The following FGD4 variants were observed in gnomAD, a reference collection of about 807,000 sequenced individuals.
The protein encoded by FGD4 is FYVE, RhoGEF and PH domain-containing protein 4.
In FGD4, 42 loss-of-function variants were observed where a neutral mutation model predicts 102.0. That is an observed-to-expected ratio of 0.41 (90% CI 0.32 to 0.53). The LOEUF (loss-of-function observed/expected upper bound fraction) is 0.53. Ranked by LOEUF, FGD4 falls within the 20% of genes least tolerant of loss-of-function variation. The pLI, the probability that FGD4 is intolerant of heterozygous loss-of-function variation, is 0.21. For missense variants in FGD4, 902 were observed against 1,078.2 expected, an observed-to-expected ratio of 0.84 and a Z score of 2.29; for synonymous variants, 380 against 375.7, an observed-to-expected ratio of 1.01 and a Z score of -0.13.
chr12:32,424,272 A>G (rs539152409), intron 1 of FGD4, among the ~76,000 whole-genome samples: 1 of 147,550 alleles, frequency 6.8e-6, no homozygotes, highest in Non-Finnish European at 1.5e-5. Context: ...CCCTGTGTCC[A>G]TGTGTTCTCA....
intron 1 of FGD4, among the ~76,000 whole-genome samples, chr12:32,439,174 T>C (rs541090179): frequency 2.9e-4 from 44 of 152,228 alleles, no homozygotes; most frequent in Non-Finnish European, 5.3e-4. Flanking sequence ...TCTCAACTTC[T>C]ATGAGTTTAA....
At chr12:32,432,348 CCGCG>C (rs1274975879) in intron 1 of FGD4, among the ~76,000 whole-genome samples, 1 of 111,970 alleles carries the variant, frequency 8.9e-6, no homozygotes, top group Non-Finnish European at 2.2e-5. Flanking sequence ...GCGTGAGCCA[CCGCG>C]CCCGACCAAT....
chr12:32,432,209 A>G (rs1942070164), intron 1 of FGD4, among the ~76,000 whole-genome samples: 1 of 151,464 alleles, frequency 6.6e-6, no homozygotes, highest in African/African-American at 2.4e-5. Context: ...ACAGGCGCCC[A>G]CCACCATGCC....
At chr12:32,578,320 A>G (rs1442643065) in intron 3 of FGD4, among the ~76,000 whole-genome samples, 1 of 152,186 alleles carries the variant, frequency 6.6e-6, no homozygotes, top group African/African-American at 2.4e-5. Context: ...TTAATACTGC[A>G]TTGGATCTAT....
intron 4 of FGD4, chr12:32,582,882 A>G (rs1309325183): frequency 5.8e-6 from 1 of 173,730 alleles, no homozygotes; most frequent in Admixed American, 5.7e-5. Context: ...GGCCTGTAAG[A>G]TGAACTTGCC....
intron 7 of FGD4, among the ~76,000 whole-genome samples, chr12:32,607,242 A>T (rs777481627): frequency 2.6e-5 from 4 of 152,072 alleles, no homozygotes; most frequent in Non-Finnish European, 4.4e-5. Context: ...GGTAGTTCTC[A>T]ACTTCAGTGT....
At chr12:32,403,648 GT>G (rs1940787716) in intron 1 of FGD4, among the ~76,000 whole-genome samples, 1 of 147,942 alleles carries the variant, frequency 6.8e-6, no homozygotes, top group African/African-American at 2.5e-5. Context: ...CCAGGCTGGA[GT>G]GCAGTGGTGC....
chr12:32,541,760 A>G (rs1395421194), intron 1 of FGD4, among the ~76,000 whole-genome samples: 4 of 152,150 alleles, frequency 2.6e-5, no homozygotes, highest in African/African-American at 9.7e-5. Flanking sequence ...CTAATTTGTT[A>G]CATGTTTTTC....
At chr12:32,533,458 C>T (rs1941978075) in intron 1 of FGD4, among the ~76,000 whole-genome samples, 1 of 152,182 alleles carries the variant, frequency 6.6e-6, no homozygotes, top group Non-Finnish European at 1.5e-5. Context: ...TGGAGTCTCA[C>T]TCTGTCACCG....
At chr12:32,473,709 C>T (rs1165512990) in intron 1 of FGD4, among the ~76,000 whole-genome samples, 3 of 152,162 alleles carry the variant, frequency 2.0e-5, no homozygotes, top group East Asian at 1.9e-4. Flanking sequence ...ACGTTATTTT[C>T]CGTTCTTCCC....
At chr12:32,424,617 C>CTG (rs1941764779) in intron 1 of FGD4, among the ~76,000 whole-genome samples, 1 of 152,178 alleles carries the variant, frequency 6.6e-6, no homozygotes, top group South Asian at 2.1e-4. Flanking sequence ...AACAGTATTT[C>CTG]TGGTCCTAGA....
intron 7 of FGD4, among the ~76,000 whole-genome samples, chr12:32,607,696 G>A (rs1948870412): frequency 6.6e-6 from 1 of 152,156 alleles, no homozygotes; most frequent in African/African-American, 2.4e-5. Flanking sequence ...TGTATTTTTA[G>A]TAGAGGCGGG....
chr12:32,629,778 T>C (rs561025319), intron 14 of FGD4, among the ~76,000 whole-genome samples: 1 of 152,358 alleles, frequency 6.6e-6, no homozygotes, highest in South Asian at 2.1e-4. Context: ...CTGATCATTT[T>C]TGATAGTGTT....
At chr12:32,484,334 C>A (rs1459519233) in intron 1 of FGD4, among the ~76,000 whole-genome samples, 2 of 150,358 alleles carry the variant, frequency 1.3e-5, no homozygotes, top group Non-Finnish European at 3.0e-5. Flanking sequence ...TCCTCACCTA[C>A]TCTCAAAGTG....
At chr12:32,432,944 C>G (rs1942104208) in intron 1 of FGD4, among the ~76,000 whole-genome samples, 1 of 152,114 alleles carries the variant, frequency 6.6e-6, no homozygotes, top group Admixed American at 6.6e-5. Flanking sequence ...TTATCACCTT[C>G]TTGCCCCTTT....
At chr12:32,401,013 CTG>C (rs1940639875) in intron 1 of FGD4, among the ~76,000 whole-genome samples, 1 of 152,182 alleles carries the variant, frequency 6.6e-6, no homozygotes, top group African/African-American at 2.4e-5. Flanking sequence ...AAACAAGTAA[CTG>C]AATTACAGTG....
chr12:32,533,910 TC>T (rs1942018648), intron 1 of FGD4, among the ~76,000 whole-genome samples: 1 of 152,200 alleles, frequency 6.6e-6, no homozygotes. Context: ...GTCACTGAAA[TC>T]AATGAGCTAT....
At chr12:32,412,061 C>T (rs1383977463) in intron 1 of FGD4, among the ~76,000 whole-genome samples, 3 of 152,090 alleles carry the variant, frequency 2.0e-5, no homozygotes, top group African/African-American at 7.2e-5. Flanking sequence ...GCCCAGTATC[C>T]CAATGGGGCC....
At chr12:32,583,069 G>A (rs1946739520) in intron 4 of FGD4, 1 of 153,016 alleles carries the variant, frequency 6.5e-6, no homozygotes, top group Non-Finnish European at 1.5e-5. Context: ...AGGCATGGTG[G>A]CTGATTGCTG....
Sources: allele counts gnomAD v4.1 joint callset (sites outside exome capture counted in the v4.1 genomes callset), GRCh38; gene constraint gnomAD v4.1.1; transcripts MANE v1.5; gene names NCBI Gene and HGNC (gene_info 2026-07-23, HGNC 2026-07-21).